Variants in CAST observed in about 807,000 individuals in gnomAD.
CAST encodes the protein calpastatin.
In CAST, 76 loss-of-function variants were observed where a neutral mutation model predicts 119.6. The ratio of observed to expected loss-of-function variants is 0.64; its 90% CI spans 0.53 to 0.77. The LOEUF (loss-of-function observed/expected upper bound fraction) is 0.77, where lower values mean the gene tolerates loss of function less well. Ranked by LOEUF, CAST falls within the 30% of genes least tolerant of loss-of-function variation. CAST has a pLI of 0.00. For synonymous variants in CAST, 319 were observed against 331.6 expected, an observed-to-expected ratio of 0.96 and a Z score of 0.41; for missense variants, 953 against 946.5, an observed-to-expected ratio of 1.01 and a Z score of -0.09.
At chr5:96,201,171 T>A in the CAST span, among the ~76,000 whole-genome samples, 1 of 152,152 alleles carries the variant, frequency 6.6e-6, no homozygotes. Flanking sequence ...AAAATAATTT[T>A]AAAAGCTTTA....
At chr5:96,425,224 C>T in the CAST span, among the ~76,000 whole-genome samples, 13 of 152,262 alleles carry the variant, frequency 8.5e-5, no homozygotes, top group Admixed American at 3.9e-4. Context: ...ACCATACAGA[C>T]GTAACATTAA....
intron 1 of CAST, among the ~76,000 whole-genome samples, chr5:96,590,245 G>A (rs1335204544): frequency 1.3e-5 from 2 of 152,152 alleles, no homozygotes; most frequent in African/African-American, 4.8e-5. Flanking sequence ...TACTGAATCA[G>A]AATATGCATT....
the CAST span, among the ~76,000 whole-genome samples, chr5:96,144,900 A>T: frequency 1.3e-5 from 2 of 151,904 alleles, no homozygotes; most frequent in Admixed American, 6.6e-5. Context: ...ACTTTTATAT[A>T]CCGAACACTT....
At chr5:96,498,684 G>C in the CAST span, among the ~76,000 whole-genome samples, 1 of 152,168 alleles carries the variant, frequency 6.6e-6, no homozygotes, top group East Asian at 1.9e-4. Flanking sequence ...TAATTATCTT[G>C]TTAACTAGTG....
intron 1 of CAST, among the ~76,000 whole-genome samples, chr5:96,562,314 A>C (rs988513075): frequency 6.6e-5 from 10 of 152,158 alleles, no homozygotes; most frequent in African/African-American, 1.9e-4. Flanking sequence ...AAACTAATAA[A>C]TTATCAAAAT....
chr5:96,308,942 C>A, the CAST span: 1 of 152,396 alleles, frequency 6.6e-6, no homozygotes, highest in Non-Finnish European at 1.5e-5. Context: ...GGTCAGGGAC[C>A]CACTTGAGGA....
the CAST span, among the ~76,000 whole-genome samples, chr5:96,343,829 C>T: frequency 3.3e-5 from 5 of 152,324 alleles, no homozygotes; most frequent in East Asian, 9.7e-4. Context: ...TTGTATACCT[C>T]TTCCTGCTGA....
the CAST span, among the ~76,000 whole-genome samples, chr5:96,481,546 G>A: frequency 6.6e-6 from 1 of 152,092 alleles, no homozygotes; most frequent in East Asian, 1.9e-4. Context: ...TACAAAGCAA[G>A]CCATGTTTCA....
the CAST span, among the ~76,000 whole-genome samples, chr5:96,289,931 G>GT: frequency 6.0e-5 from 9 of 150,726 alleles, no homozygotes; most frequent in East Asian, 2.0e-4. Flanking sequence ...TTCTTTGGAG[G>GT]TTTTTTTTTT....
chr5:96,334,258 G>C, the CAST span, among the ~76,000 whole-genome samples: 10 of 152,278 alleles, frequency 6.6e-5, no homozygotes, highest in Admixed American at 2.6e-4. Flanking sequence ...TTGGAGGATT[G>C]CTCAGTGCAG....
the CAST span, among the ~76,000 whole-genome samples, chr5:96,182,285 G>T: frequency 6.6e-6 from 1 of 152,188 alleles, no homozygotes; most frequent in African/African-American, 2.4e-5. Flanking sequence ...AAGGCATTTG[G>T]TGATTTGAAC....
At chr5:96,423,564 C>T in the CAST span, 76 of 1,021,600 alleles carry the variant, frequency 7.4e-5, no homozygotes, top group Non-Finnish European at 1.0e-4. Context: ...TTCCTTGGGT[C>T]ACTCTACTCT....
At chr5:96,190,440 T>C in the CAST span, among the ~76,000 whole-genome samples, 1 of 152,286 alleles carries the variant, frequency 6.6e-6, no homozygotes, top group African/African-American at 2.4e-5. Flanking sequence ...CCAAGAACCT[T>C]CCACAGAGTT....
the CAST span, chr5:96,393,327 G>T: frequency 6.2e-7 from 1 of 1,614,112 alleles, no homozygotes; most frequent in South Asian, 1.1e-5. Context: ...CTGCTGCTGG[G>T]GCTTTTGGAC....
At chr5:95,993,256 A>G in the CAST span, among the ~76,000 whole-genome samples, 24 of 152,364 alleles carry the variant, frequency 1.6e-4, no homozygotes, top group African/African-American at 4.8e-4. Context: ...CTTAGACCCT[A>G]CACAGAAATT....
the CAST span, among the ~76,000 whole-genome samples, chr5:96,264,092 A>G: frequency 6.6e-6 from 1 of 152,224 alleles, no homozygotes; most frequent in Non-Finnish European, 1.5e-5. Flanking sequence ...GCTTTCATAC[A>G]TATCACTAAA....
chr5:96,098,039 G>A, the CAST span, among the ~76,000 whole-genome samples: 5 of 152,144 alleles, frequency 3.3e-5, no homozygotes, highest in African/African-American at 1.2e-4. Context: ...GGTGTGAGAT[G>A]GTATCTCCTT....
At chr5:96,347,127 A>G in the CAST span, among the ~76,000 whole-genome samples, 1 of 151,954 alleles carries the variant, frequency 6.6e-6, no homozygotes, top group Non-Finnish European at 1.5e-5. Flanking sequence ...ATCCGTGACT[A>G]TTCTTTGAGG....
chr5:96,641,885 C>T (rs1450619758), intron 1 of CAST, among the ~76,000 whole-genome samples: 5 of 152,164 alleles, frequency 3.3e-5, no homozygotes, highest in Admixed American at 2.6e-4. Context: ...CTATTTAAAG[C>T]CCAGGATCCT....
Sources: gnomAD v4.1 joint callset for allele counts (sites outside exome capture counted in the v4.1 genomes callset) on GRCh38, gnomAD v4.1.1 for gene constraint, MANE v1.5 for transcripts, NCBI Gene and HGNC (gene_info 2026-07-23, HGNC 2026-07-21) for gene names.